SUPT3H: variants seen among roughly 807,000 people sequenced by gnomAD.
SUPT3H encodes transcription initiation protein SPT3 homolog.
SUPT3H carries 44 observed loss-of-function variants against 44.3 expected under a neutral mutation model. The ratio of observed to expected loss-of-function variants is 0.99; its 90% CI spans 0.78 to 1.28. The LOEUF (loss-of-function observed/expected upper bound fraction) is 1.28, where lower values mean the gene tolerates loss of function less well. SUPT3H is among the 50% of genes most tolerant of loss of function. SUPT3H has a pLI of 0.00. For missense variants in SUPT3H, 380 were observed against 387.1 expected (o/e 0.98, Z 0.15); for synonymous variants, 124 against 125.6 (o/e 0.99, Z 0.09).
chr6:45,304,076 G>T (rs1424034241), intron 2 of SUPT3H, among the ~76,000 whole-genome samples: 1 of 152,086 alleles, frequency 6.6e-6, no homozygotes, highest in Non-Finnish European at 1.5e-5. Context: ...TATGTTGGCA[G>T]ATGAGAACTA....
intron 3 of SUPT3H, among the ~76,000 whole-genome samples, chr6:45,030,591 A>G (rs956556183): frequency 6.6e-6 from 1 of 152,198 alleles, no homozygotes; most frequent in East Asian, 1.9e-4. Context: ...TCTTGTGCTA[A>G]GTCTTCATGG....
intron 2 of SUPT3H, among the ~76,000 whole-genome samples, chr6:45,241,410 C>T (rs1395084018): frequency 6.6e-6 from 1 of 152,210 alleles, no homozygotes; most frequent in Non-Finnish European, 1.5e-5. Context: ...CATGAGCAAT[C>T]TGTGCCTTAA....
At chr6:45,331,893 T>C (rs1473268065) in intron 2 of SUPT3H, among the ~76,000 whole-genome samples, 1 of 151,968 alleles carries the variant, frequency 6.6e-6, no homozygotes, top group Non-Finnish European at 1.5e-5. Flanking sequence ...CATGCTAAAG[T>C]TAAATTCGGT....
intron 2 of SUPT3H, among the ~76,000 whole-genome samples, chr6:45,314,014 C>T (rs1342433099): frequency 6.6e-6 from 1 of 152,060 alleles, no homozygotes; most frequent in African/African-American, 2.4e-5. Flanking sequence ...ATATATTTCA[C>T]CACATAAACA....
intron 6 of SUPT3H, among the ~76,000 whole-genome samples, chr6:44,963,547 G>A (rs534841032): frequency 6.6e-6 from 1 of 152,046 alleles, no homozygotes; most frequent in South Asian, 2.1e-4. Context: ...TATATTATTG[G>A]GTTAATTTTT....
At chr6:44,969,607 C>A (rs1777274030) in intron 6 of SUPT3H, among the ~76,000 whole-genome samples, 1 of 151,876 alleles carries the variant, frequency 6.6e-6, no homozygotes, top group South Asian at 2.1e-4. Context: ...GAAAAAAAAT[C>A]AAAAAACAAA....
At chr6:44,944,401 G>A (rs1582661116) in intron 9 of SUPT3H, among the ~76,000 whole-genome samples, 1 of 151,988 alleles carries the variant, frequency 6.6e-6, no homozygotes, top group Non-Finnish European at 1.5e-5. Flanking sequence ...AATAGGAAAA[G>A]TTACCCTATA....
chr6:44,953,072 T>C (rs1774557182), intron 9 of SUPT3H, among the ~76,000 whole-genome samples: 1 of 151,882 alleles, frequency 6.6e-6, no homozygotes. Flanking sequence ...AATGAAGGGG[T>C]AGGAAAGCTA....
intron 1 of SUPT3H, among the ~76,000 whole-genome samples, chr6:45,367,828 C>T (rs1369080058): frequency 1.3e-5 from 2 of 152,158 alleles, no homozygotes; most frequent in Non-Finnish European, 2.9e-5. Context: ...CATGATCATC[C>T]TTTCACAGTC....
At chr6:44,909,894 T>C (rs760634265) in intron 10 of SUPT3H, among the ~76,000 whole-genome samples, 1 of 152,216 alleles carries the variant, frequency 6.6e-6, no homozygotes, top group Non-Finnish European at 1.5e-5. Flanking sequence ...TAAAACACAA[T>C]AATACTGGCA....
At chr6:44,842,101 G>T (rs1771039407) in intron 10 of SUPT3H, among the ~76,000 whole-genome samples, 1 of 152,222 alleles carries the variant, frequency 6.6e-6, no homozygotes. Context: ...CCAGAGTGCA[G>T]ATGGCCTATT....
chr6:44,890,984 TGGGGGACTA>T (rs143625663), intron 10 of SUPT3H, among the ~76,000 whole-genome samples: 3,674 of 150,634 alleles, frequency 0.024, 149 homozygotes, highest in African/African-American at 0.083. Context: ...CTGTCGGGGT[TGGGGGACTA>T]GGGGAGGGGT....
At chr6:44,914,872 C>A (rs1046366055) in intron 10 of SUPT3H, among the ~76,000 whole-genome samples, 4 of 152,130 alleles carry the variant, frequency 2.6e-5, no homozygotes, top group African/African-American at 9.7e-5. Context: ...AGGTGTGGAT[C>A]AGATCAGGAA....
chr6:45,115,977 A>T (rs535792908), intron 2 of SUPT3H, among the ~76,000 whole-genome samples: 2 of 152,248 alleles, frequency 1.3e-5, no homozygotes, highest in African/African-American at 4.8e-5. Context: ...CTCTCTTATT[A>T]TAGATTATGT....
chr6:45,167,236 T>C (rs765858730), intron 2 of SUPT3H, among the ~76,000 whole-genome samples: 7 of 152,142 alleles, frequency 4.6e-5, no homozygotes, highest in Non-Finnish European at 1.0e-4. Context: ...CACTTTAACC[T>C]AATGCATGGC....
At chr6:44,969,585 T>C (rs1373988382) in intron 6 of SUPT3H, among the ~76,000 whole-genome samples, 1 of 152,050 alleles carries the variant, frequency 6.6e-6, no homozygotes, top group Non-Finnish European at 1.5e-5. Context: ...GAGGCTTGAA[T>C]ATATGTTTTT....
intron 3 of SUPT3H, among the ~76,000 whole-genome samples, chr6:45,047,185 G>A (rs1789537621): frequency 6.6e-6 from 1 of 151,970 alleles, no homozygotes. Flanking sequence ...TATTTGCTAT[G>A]GCTTTTTTCT....
At chr6:44,921,999 G>A (rs1768802488) in intron 10 of SUPT3H, among the ~76,000 whole-genome samples, 1 of 152,222 alleles carries the variant, frequency 6.6e-6, no homozygotes, top group Non-Finnish European at 1.5e-5. Flanking sequence ...GATCTAGAGA[G>A]CATACTCCAC....
chr6:44,846,485 A>C (rs987420140), intron 10 of SUPT3H, among the ~76,000 whole-genome samples: 17 of 152,198 alleles, frequency 1.1e-4, no homozygotes, highest in African/African-American at 4.1e-4. Context: ...ACTACAGAAG[A>C]AACAAGGGAG....
Sources: allele counts gnomAD v4.1 joint callset (sites outside exome capture counted in the v4.1 genomes callset), GRCh38; gene constraint gnomAD v4.1.1; transcripts MANE v1.5; gene names NCBI Gene and HGNC (gene_info 2026-07-23, HGNC 2026-07-21).